The following SHANK2 variants were observed in gnomAD, a reference collection of about 807,000 sequenced individuals.
The protein encoded by SHANK2 is SH3 and multiple ankyrin repeat domains protein 2.
SHANK2 carries 43 observed loss-of-function variants against 133.7 expected under a neutral mutation model. That is an observed-to-expected ratio of 0.32 (90% confidence interval 0.25 to 0.41). The LOEUF is 0.41. SHANK2 is among the 10% of genes least tolerant of loss of function. The pLI, the probability that SHANK2 is intolerant of heterozygous loss-of-function variation, is 1.00. For missense variants in SHANK2, 1,994 were observed against 2,235.8 expected, an observed-to-expected ratio of 0.89 and a Z score of 2.18; for synonymous variants, 1,017 against 952.8, an observed-to-expected ratio of 1.07 and a Z score of -1.24.
intron 15 of SHANK2, among the ~76,000 whole-genome samples, chr11:70,686,980 G>A (rs555051782): frequency 1.4e-4 from 22 of 152,316 alleles, no homozygotes; most frequent in Admixed American, 5.2e-4. Flanking sequence ...TGCCCATCTT[G>A]GGCTGCCCTC....
Position 70,870,942 on chromosome 11 carries a change from TA to T in SHANK2, c.1174+25558del, listed in dbSNP as rs529351649. Among the ~76,000 whole-genome samples the T allele has an allele frequency of 5.3e-5, 8 of 152,208 alleles. No homozygotes were observed. In the South Asian group the frequency reaches 1.7e-3, roughly 32 times the overall value. ...ACAGGCACCCGCCACCACGCCCGGC[TA>T]ATCTTTGTATTTTTAGTAGAGACGG... is the stretch of plus-strand genomic sequence containing the variant. On this transcript the variant is annotated intron_variant, in intron 11 of 25. Coordinates refer to ENST00000601538, the MANE Select transcript of SHANK2 (RefSeq NM_012309.5).
chr11:71,240,231 C>T (rs1053873104), intron 1 of SHANK2, among the ~76,000 whole-genome samples: 3 of 152,108 alleles, frequency 2.0e-5, no homozygotes, highest in East Asian at 1.9e-4. Flanking sequence ...TATCTTCTCC[C>T]GAGGTCCATT....
chr11:70,509,866 T>G (rs2059179825), intron 17 of SHANK2, among the ~76,000 whole-genome samples: 1 of 152,228 alleles, frequency 6.6e-6, no homozygotes. Context: ...AGTGCCATGA[T>G]CTTGGACTTC....
intron 17 of SHANK2, among the ~76,000 whole-genome samples, chr11:70,629,199 T>C (rs375615439): frequency 1.3e-5 from 2 of 152,032 alleles, no homozygotes; most frequent in East Asian, 1.9e-4. Flanking sequence ...CCTCCTTCCA[T>C]CTAGAGAGCC....
chr11:70,780,168 T>G (rs1193617485), intron 14 of SHANK2, among the ~76,000 whole-genome samples: 1 of 152,186 alleles, frequency 6.6e-6, no homozygotes, highest in Non-Finnish European at 1.5e-5. Context: ...CCAGACAATT[T>G]TAGGCTTCTC....
chr11:70,620,151 A>G (rs551385000), intron 17 of SHANK2, among the ~76,000 whole-genome samples: 1 of 152,108 alleles, frequency 6.6e-6, no homozygotes, highest in Admixed American at 6.5e-5. Flanking sequence ...TCCTGACACC[A>G]TCCTGGTGGG....
At chr11:70,590,117 G>A (rs2060302702) in intron 17 of SHANK2, among the ~76,000 whole-genome samples, 1 of 152,172 alleles carries the variant, frequency 6.6e-6, no homozygotes, top group Non-Finnish European at 1.5e-5. Context: ...ATCAGAGATT[G>A]CGTCACTGCA....
chr11:70,795,808 AC>A lies in SHANK2; in HGVS notation c.1777+2634del, dbSNP rs1421594177. Among the ~76,000 whole-genome samples the A allele has an allele frequency of 4.6e-5, 7 of 152,294 alleles. No homozygotes were observed. In the East Asian group the frequency reaches 1.4e-3, roughly 29 times the overall value. On this transcript the variant is annotated intron_variant, in intron 14 of 25. Transcript: ENST00000601538. Reference sequence around the variant, plus strand: ...CTACCAACAGGTGCTGGCTTTGGAGACGGAGGAAGGGGCCATGAGCCAAGGA... The same window carrying A: ...CTACCAACAGGTGCTGGCTTTGGAGAGGAGGAAGGGGCCATGAGCCAAGGA...
rs782071505 is a variant in SHANK2, at chr11:70,659,868, G to A, written c.2021C>T (p.Ala674Val). The A allele has an allele frequency of 3.1e-6, 5 of 1,614,108 alleles. No individual in the cohort carries two copies. The highest frequency in any genetic ancestry group is 3.3e-5 in the Admixed American group (2 of 60,014). Residue 674 changes from alanine (A) to valine (V), a missense_variant, in exon 17 of 26, where the codon GCG (alanine) becomes GTG (valine). Around this residue, in one of 5 missense-constraint regions of SHANK2, gnomAD observed 488 missense variants for 642.6 expected, o/e 0.76. Coordinates refer to ENST00000601538, the MANE Select transcript of SHANK2 (RefSeq NM_012309.5). ...YLESVDEGGV[A>V]WQAGLRTGDF... ...CCCGGTCCTTAGTCCGGCTTGCCAC[G>A]CCACCCCACCTTCATCCACGGACTC...
chr11:70,832,552 T>C (rs1316132449), intron 11 of SHANK2, among the ~76,000 whole-genome samples: 2 of 152,304 alleles, frequency 1.3e-5, no homozygotes, highest in East Asian at 1.9e-4. Context: ...CCTAGTGCTC[T>C]GGAGATGAAT....
In SHANK2 at chr11:70,798,428, G is replaced by C. The variant is rs372288166; in HGVS notation, c.1777+15C>G. 1.4e-6 allele frequency: 1 copy of C among 717,490 alleles called. No homozygotes were observed. The highest frequency in any genetic ancestry group is 2.6e-6 in the Non-Finnish European group (1 of 385,040). The allele number at this position is 717,490 out of a possible 1,614,324, so 44.4% of individuals were successfully genotyped here. On this transcript the variant is annotated intron_variant, in intron 14 of 25. Coordinates refer to ENST00000601538, the MANE Select transcript of SHANK2 (RefSeq NM_012309.5). Reference sequence around the variant, plus strand: ...TGCAGGATCGAGGGTGGGCGGCCACGAGCGCTCGCCTTACCTGCCTGGCTG... The same window carrying C: ...TGCAGGATCGAGGGTGGGCGGCCACCAGCGCTCGCCTTACCTGCCTGGCTG...
Position 70,620,638 on chromosome 11 carries a change from C to A in SHANK2, c.2061+39190G>T, listed in dbSNP as rs561849937. On this transcript the variant is annotated intron_variant, in intron 17 of 25. Coordinates refer to ENST00000601538, the MANE Select transcript of SHANK2 (RefSeq NM_012309.5). ...TTGTTACCGTCTGAATGTCTGTATC[C>A]CCCCAAGTTCCTATGTTGACACATT... 4.6e-5 allele frequency among the ~76,000 whole-genome samples: 7 copies of A among 152,176 alleles called. No individual in the cohort carries two copies. In the South Asian group the frequency reaches 1.5e-3, roughly 32 times the overall value.
intron 17 of SHANK2, among the ~76,000 whole-genome samples, chr11:70,626,166 G>A (rs909465851): frequency 4.6e-5 from 7 of 152,204 alleles, no homozygotes; most frequent in African/African-American, 1.7e-4. Flanking sequence ...ACCCCCAGCA[G>A]CACCGTTTGC....
chr11:70,735,996 C>A (rs367657697), intron 14 of SHANK2, among the ~76,000 whole-genome samples: 2 of 151,810 alleles, frequency 1.3e-5, no homozygotes, highest in East Asian at 3.9e-4. Context: ...CTGCCACTTG[C>A]CATGTTTTCC....
At chr11:71,079,811 GA>G (rs1214571183) in intron 8 of SHANK2, among the ~76,000 whole-genome samples, 3 of 133,666 alleles carry the variant, frequency 2.2e-5, no homozygotes, top group Non-Finnish European at 4.8e-5. Flanking sequence ...GAGAGAGAAA[GA>G]AAAAGAGAAA....
chr11:71,156,364 C>T (rs546354384), intron 2 of SHANK2, among the ~76,000 whole-genome samples: 1 of 152,344 alleles, frequency 6.6e-6, no homozygotes, highest in East Asian at 1.9e-4. Flanking sequence ...TGTTACCAGC[C>T]CTGCTGGCAT....
Position 70,684,756 on chromosome 11 carries a change from G to T in SHANK2, c.1853+13932C>A, listed in dbSNP as rs530996290. Reference sequence around the variant, plus strand: ...TGAGTCACACTCAGGGCCAGGGACAGTGCCCCTGGCCCTGCCAATCCAGTG... The same window carrying T: ...TGAGTCACACTCAGGGCCAGGGACATTGCCCCTGGCCCTGCCAATCCAGTG... On this transcript the variant is annotated intron_variant, in intron 15 of 25. Transcript: ENST00000601538. Among the ~76,000 whole-genome samples, 54 of 151,932 alleles carry T rather than the reference G, an allele frequency of 3.6e-4. 1 individual carries two copies. In the South Asian group the frequency reaches 0.011, roughly 31 times the overall value.
At chr11:70,775,698 A>G (rs1006471383) in intron 14 of SHANK2, among the ~76,000 whole-genome samples, 13 of 152,214 alleles carry the variant, frequency 8.5e-5, no homozygotes, top group African/African-American at 2.4e-4. Context: ...AGGGGGCTAC[A>G]GAGTGTCATC....
intron 6 of SHANK2, among the ~76,000 whole-genome samples, chr11:71,098,145 ATGCATGCCTGTGTGCATG>A (rs1370965906): frequency 3.0e-4 from 41 of 135,900 alleles, no homozygotes; most frequent in Admixed American, 8.1e-4. Context: ...GCCTGTGTGC[ATGCATGCCTGTGTGCATG>A]TGCATGCCTG....
Sources: allele counts gnomAD v4.1 joint callset (sites outside exome capture counted in the v4.1 genomes callset), GRCh38; gene constraint gnomAD v4.1.1; regional missense constraint gnomAD v4.1.1; transcripts MANE v1.5; gene names NCBI Gene and HGNC (gene_info 2026-07-23, HGNC 2026-07-21).